Variants in SV2C observed in about 807,000 individuals in gnomAD.
The protein encoded by SV2C is solute carrier family 22 member B3.
A neutral mutation model predicts 79.7 loss-of-function variants in SV2C; 49 were observed. The ratio of observed to expected loss-of-function variants is 0.61; its 90% CI spans 0.49 to 0.78. SV2C has a LOEUF of 0.78. SV2C is among the 30% of genes least tolerant of loss of function. The probability of loss-of-function intolerance (pLI) is 0.00; values close to 1 mark genes in which losing one functional copy is unlikely to be tolerated. For missense variants in SV2C, 833 were observed against 912.9 expected (o/e 0.91, Z 1.13); for synonymous variants, 334 against 333.2 (o/e 1.00, Z -0.03).
In SV2C at chr5:76,259,437, T is replaced by C. The variant is rs920440498; in HGVS notation, c.914-25725T>C. Among the ~76,000 whole-genome samples, 5 of 152,260 alleles carry C rather than the reference T, an allele frequency of 3.3e-5. No homozygotes were observed. In the South Asian group the frequency reaches 1.0e-3, roughly 32 times the overall value. On this transcript the variant is annotated intron_variant, in intron 4 of 12. Transcript: ENST00000502798. ...ATCAATGATTATTCAGTAATAATAC[T>C]GATTTTTTTTTAACTTTAATTTCTG...
the SV2C span, among the ~76,000 whole-genome samples, chr5:75,958,491 C>T: frequency 0.11 from 17,205 of 151,972 alleles, 2,800 homozygotes; most frequent in African/African-American, 0.36. Flanking sequence ...GTTGTAGCGA[C>T]ATTGCTTCTA....
chr5:76,159,484 A>G (rs6867784), intron 2 of SV2C, among the ~76,000 whole-genome samples: 69,777 of 151,876 alleles, frequency 0.46, 16,293 homozygotes, highest in South Asian at 0.53. Context: ...GGTAACTTAA[A>G]ACAACAGAAA....
chr5:76,121,021 C>T (rs973433844), intron 1 of SV2C, among the ~76,000 whole-genome samples: 13 of 150,970 alleles, frequency 8.6e-5, no homozygotes, highest in Admixed American at 7.9e-4. Context: ...ACATCCTCTC[C>T]AGCACCTGTT....
At chr5:75,966,471 C>T in the SV2C span, among the ~76,000 whole-genome samples, 7 of 152,182 alleles carry the variant, frequency 4.6e-5, no homozygotes, top group African/African-American at 1.7e-4. Flanking sequence ...GCAAATGGCA[C>T]CAAAGGCAAC....
the SV2C span, among the ~76,000 whole-genome samples, chr5:75,950,645 G>A: frequency 6.6e-6 from 1 of 151,834 alleles, no homozygotes; most frequent in Non-Finnish European, 1.5e-5. Flanking sequence ...ATGTCCTTTT[G>A]GGTGGATTTT....
At chr5:75,910,708 CA>C in the SV2C span, 1 of 1,351,164 alleles carries the variant, frequency 7.4e-7, no homozygotes, top group Non-Finnish European at 1.1e-6. Flanking sequence ...AAGAGTTCAA[CA>C]AAGCCCAGAC....
the SV2C span, among the ~76,000 whole-genome samples, chr5:75,947,481 G>A: frequency 8.0e-5 from 12 of 150,586 alleles, no homozygotes; most frequent in Non-Finnish European, 1.8e-4. Flanking sequence ...CTCTTCTTTT[G>A]TCTTGAAAAT....
At chr5:76,273,277 T>G (rs1051316004) in intron 4 of SV2C, among the ~76,000 whole-genome samples, 3 of 151,798 alleles carry the variant, frequency 2.0e-5, no homozygotes, top group Admixed American at 6.6e-5. Flanking sequence ...GGACCTTTGC[T>G]TAAAATATAG....
At chr5:75,919,592 C>G in the SV2C span, among the ~76,000 whole-genome samples, 1 of 152,182 alleles carries the variant, frequency 6.6e-6, no homozygotes, top group African/African-American at 2.4e-5. Flanking sequence ...TGCAACAATC[C>G]TAAATTATTT....
At chr5:75,883,511 A>G in the SV2C span, among the ~76,000 whole-genome samples, 2 of 145,840 alleles carry the variant, frequency 1.4e-5, no homozygotes, top group Non-Finnish European at 3.0e-5. Flanking sequence ...TGCAGCCATA[A>G]AAATGATGAG....
chr5:76,002,395 AGGT>A, the SV2C span, among the ~76,000 whole-genome samples: 13 of 152,186 alleles, frequency 8.5e-5, no homozygotes, highest in Non-Finnish European at 1.5e-4. Flanking sequence ...CACTTGTGAC[AGGT>A]GGTGGGTCAC....
At chr5:75,959,284 A>G in the SV2C span, among the ~76,000 whole-genome samples, 1 of 151,922 alleles carries the variant, frequency 6.6e-6, no homozygotes, top group Admixed American at 6.6e-5. Flanking sequence ...CTCTCTTTGC[A>G]TGCTGCCTGC....
intron 4 of SV2C, among the ~76,000 whole-genome samples, chr5:76,281,978 G>A (rs1449548436): frequency 2.0e-5 from 3 of 152,246 alleles, no homozygotes; most frequent in African/African-American, 7.2e-5. Flanking sequence ...CTTTAGGGGT[G>A]AGGGAATATT....
the SV2C span, among the ~76,000 whole-genome samples, chr5:76,058,892 T>C: frequency 1.3e-5 from 2 of 152,102 alleles, no homozygotes; most frequent in Non-Finnish European, 2.9e-5. Flanking sequence ...TATTCAAATT[T>C]TGAATGCTTT....
intron 1 of SV2C, among the ~76,000 whole-genome samples, chr5:76,096,818 A>T (rs530883759): frequency 6.6e-6 from 1 of 152,284 alleles, no homozygotes; most frequent in South Asian, 2.1e-4. Flanking sequence ...AAGGCTGATT[A>T]AAAAAGAATT....
At chr5:75,967,322 G>T in the SV2C span, among the ~76,000 whole-genome samples, 2 of 152,292 alleles carry the variant, frequency 1.3e-5, no homozygotes, top group Admixed American at 6.5e-5. Flanking sequence ...TGGACAGTGG[G>T]TGCAGAACAG....
intron 2 of SV2C, among the ~76,000 whole-genome samples, chr5:76,182,271 C>G (rs978667361): frequency 2.6e-5 from 4 of 152,016 alleles, no homozygotes; most frequent in African/African-American, 4.8e-5. Context: ...CATGACCCCC[C>G]AGACCTACCC....
intron 12 of SV2C, among the ~76,000 whole-genome samples, chr5:76,317,330 C>T (rs954373175): frequency 6.6e-6 from 1 of 152,170 alleles, no homozygotes; most frequent in African/African-American, 2.4e-5. Flanking sequence ...CAAAATGCCC[C>T]ATGCTGAGTC....
At chr5:75,876,168 C>A in the SV2C span, among the ~76,000 whole-genome samples, 10 of 152,106 alleles carry the variant, frequency 6.6e-5, no homozygotes, top group Non-Finnish European at 1.5e-4. Flanking sequence ...TGGAATCAAC[C>A]TAAATGACCT....
Sources: gnomAD v4.1 joint callset for allele counts (sites outside exome capture counted in the v4.1 genomes callset) on GRCh38, gnomAD v4.1.1 for gene constraint, MANE v1.5 for transcripts, NCBI Gene and HGNC (gene_info 2026-07-23, HGNC 2026-07-21) for gene names.